The following UBE3A variants were observed in gnomAD, a reference collection of about 807,000 sequenced individuals.
The protein encoded by UBE3A is ubiquitin protein ligase E3A, also known as ubiquitin-protein ligase E3A.
UBE3A carries 6 observed loss-of-function variants against 83.4 expected under a neutral mutation model. That is an observed-to-expected ratio of 0.07 (90% CI 0.04 to 0.14). The LOEUF (loss-of-function observed/expected upper bound fraction) is 0.14. Among genes scored for constraint, UBE3A ranks in the 10% least tolerant of loss-of-function variants. The pLI is 1.00. For synonymous variants in UBE3A, 337 were observed against 355.4 expected, an observed-to-expected ratio of 0.95 and a Z score of 0.58; for missense variants, 456 against 1,036.1, an observed-to-expected ratio of 0.44 and a Z score of 7.69.
intron 6 of UBE3A, among the ~76,000 whole-genome samples, chr15:25,368,913 A>G (rs2079799931): frequency 1.3e-5 from 2 of 152,172 alleles, no homozygotes; most frequent in South Asian, 4.1e-4. Context: ...GAACCCTGGA[A>G]TGATTCTTAC....
intron 9 of UBE3A, among the ~76,000 whole-genome samples, chr15:25,354,935 AACT>A (rs2077018744): frequency 6.6e-6 from 1 of 151,542 alleles, no homozygotes; most frequent in Non-Finnish European, 1.5e-5. Flanking sequence ...CTACAAAGAA[AACT>A]ACTTCTTACA....
chr15:25,354,226 T>C (rs2076919401), intron 11 of UBE3A, 127 bp downstream of exon 11: 2 of 784,138 alleles, frequency 2.6e-6, no homozygotes, highest in South Asian at 1.5e-5. Context: ...AATACAAATC[T>C]AAGTATATAG....
chr15:25,356,488 G>A (rs897841127), intron 8 of UBE3A, among the ~76,000 whole-genome samples: 3 of 152,096 alleles, frequency 2.0e-5, no homozygotes, highest in Non-Finnish European at 2.9e-5. Context: ...CAAAAGCTTC[G>A]TGCTGACAGC....
chr15:25,405,311 G>GA lies in UBE3A; in HGVS notation c.62+149dup, dbSNP rs2088242098. ...ACCGAGGTTTAGAGTTATCTGATAG[G>GA]AAAAAAAGTAGGTATGTTCCTATCT... On this transcript the variant is annotated intron_variant, in intron 4 of 12. Transcript: ENST00000648336. 3.5e-6 allele frequency: 3 copies of GA among 864,158 alleles called. No individual in the cohort carries two copies. The Middle Eastern group carries it at 7.7e-4, about 221-fold the overall frequency. 53.5% of individuals were successfully genotyped at this position (864,158 alleles called of 1,614,324 possible).
At chr15:25,402,481 G>A (rs943162620) in intron 4 of UBE3A, among the ~76,000 whole-genome samples, 3 of 152,220 alleles carry the variant, frequency 2.0e-5, no homozygotes, top group African/African-American at 7.2e-5. Flanking sequence ...GATCTAGAGG[G>A]CAGGGCTGCA....
intron 1 of UBE3A, chr15:25,419,124 T>A (rs1386738027): frequency 1.3e-5 from 2 of 152,186 alleles, no homozygotes; most frequent in Non-Finnish European, 2.9e-5. Flanking sequence ...AAATAAATAG[T>A]TGCTGATATT....
rs1004334882 is a variant in UBE3A at position 25,383,673 on chromosome 15, G to A, written c.63-7910C>T. 5.3e-5 allele frequency among the ~76,000 whole-genome samples: 8 copies of A among 152,010 alleles called. No homozygotes were observed. The East Asian group carries it at 1.5e-3, about 29-fold the overall frequency. ...AAAAACAAAAACGCTCAATTCGCTAGAAAGATATGGAAATTACTTCAACAT... is the reference window on the plus strand; with the variant it reads ...AAAAACAAAAACGCTCAATTCGCTAAAAAGATATGGAAATTACTTCAACAT... On this transcript the variant is annotated intron_variant, in intron 4 of 12. Transcript: ENST00000648336.
At chr15:25,413,895 G>A (rs1056569623) in intron 1 of UBE3A, among the ~76,000 whole-genome samples, 3 of 151,922 alleles carry the variant, frequency 2.0e-5, no homozygotes, top group Admixed American at 2.0e-4. Context: ...CTCTCTAAAG[G>A]CAATAAGGTC....
intron 4 of UBE3A, among the ~76,000 whole-genome samples, chr15:25,402,814 A>G (rs1463019803): frequency 6.6e-6 from 1 of 152,196 alleles, no homozygotes; most frequent in African/African-American, 2.4e-5. Flanking sequence ...ACATTCAGGT[A>G]ATCTCTCGTC....
chr15:25,351,968 C>T (rs183292058), intron 11 of UBE3A, among the ~76,000 whole-genome samples: 6 of 151,948 alleles, frequency 3.9e-5, no homozygotes, highest in East Asian at 2.0e-4. Flanking sequence ...CCGAGGCGGG[C>T]GGATCACCAG....
chr15:25,345,589 C>CAA (rs925952484), intron 11 of UBE3A: 5 of 149,246 alleles, frequency 3.4e-5, no homozygotes, highest in African/African-American at 1.2e-4. Flanking sequence ...CACACACACA[C>CAA]AAATAAATAA....
chr15:25,420,598 T>C (rs1047017941), intron 1 of UBE3A: 7 of 152,088 alleles, frequency 4.6e-5, no homozygotes, highest in Non-Finnish European at 8.8e-5. Context: ...ATTAAGACCA[T>C]AATGACTTTT....
intron 1 of UBE3A, chr15:25,415,884 T>C (rs1395290959): frequency 1.4e-5 from 2 of 145,442 alleles, no homozygotes; most frequent in Non-Finnish European, 3.0e-5. Context: ...TCAGGACCCA[T>C]GGCCTTTGAG....
intron 11 of UBE3A, among the ~76,000 whole-genome samples, chr15:25,350,982 T>C (rs2076412094): frequency 1.3e-5 from 2 of 152,118 alleles, no homozygotes; most frequent in African/African-American, 4.8e-5. Context: ...TTGACTGAAA[T>C]ATGGTTACAT....
intron 4 of UBE3A, among the ~76,000 whole-genome samples, chr15:25,381,462 C>G (rs1021537045): frequency 7.9e-5 from 12 of 151,914 alleles, no homozygotes; most frequent in African/African-American, 2.9e-4. Flanking sequence ...AATATAAAAA[C>G]TAATGGTGAA....
intron 11 of UBE3A, among the ~76,000 whole-genome samples, chr15:25,342,544 C>T (rs540421002): frequency 3.7e-4 from 57 of 152,130 alleles, no homozygotes; most frequent in South Asian, 1.5e-3. Flanking sequence ...GAAGAAAACA[C>T]GAAGAAGCTT....
chr15:25,396,065 G>T (rs1350172706), intron 4 of UBE3A, among the ~76,000 whole-genome samples: 1 of 151,896 alleles, frequency 6.6e-6, no homozygotes, highest in Non-Finnish European at 1.5e-5. Flanking sequence ...AGCCAGGCAT[G>T]GTGGCACATG....
intron 3 of UBE3A, chr15:25,408,528 G>T: frequency 6.9e-7 from 1 of 1,453,260 alleles, no homozygotes; most frequent in African/African-American, 1.4e-5. Flanking sequence ...ATCAATTTTA[G>T]GTCTTGATTT....
At chr15:25,349,584 AC>A (rs1333037753) in intron 11 of UBE3A, among the ~76,000 whole-genome samples, 2 of 152,184 alleles carry the variant, frequency 1.3e-5, no homozygotes, top group Non-Finnish European at 2.9e-5. Context: ...TGCAAATAGT[AC>A]TGAACCCTGT....
Sources: allele counts gnomAD v4.1 joint callset (sites outside exome capture counted in the v4.1 genomes callset), GRCh38; gene constraint gnomAD v4.1.1; transcripts MANE v1.5; gene names NCBI Gene and HGNC (gene_info 2026-07-23, HGNC 2026-07-21).